Variants in TMC1 observed in about 807,000 individuals in gnomAD.
TMC1 encodes the protein transmembrane channel like 1.
Under a neutral mutation model 105.8 loss-of-function variants are expected in TMC1, and 84 were observed. The ratio of observed to expected loss-of-function variants is 0.79; its 90% CI spans 0.67 to 0.95. The LOEUF (loss-of-function observed/expected upper bound fraction) is 0.95. TMC1 is among the 40% of genes least tolerant of loss of function. The pLI is 0.00. For missense variants in TMC1, 817 were observed against 914.1 expected (o/e 0.89, Z 1.37); for synonymous variants, 315 against 311.5 (o/e 1.01, Z -0.12).
chr9:72,720,161 C>G (rs1212181645), intron 8 of TMC1, among the ~76,000 whole-genome samples: 1 of 152,152 alleles, frequency 6.6e-6, no homozygotes, highest in Non-Finnish European at 1.5e-5. Context: ...AACTGAAACT[C>G]TGAGAGGATA....
chr9:72,819,340 T>C (rs998663756), intron 19 of TMC1, among the ~76,000 whole-genome samples: 1 of 152,212 alleles, frequency 6.6e-6, no homozygotes, highest in Non-Finnish European at 1.5e-5. Context: ...TCAAAGTGTA[T>C]TACATCAACA....
At chr9:72,801,572 T>C (rs556443134) in intron 17 of TMC1, among the ~76,000 whole-genome samples, 27 of 152,348 alleles carry the variant, frequency 1.8e-4, no homozygotes, top group African/African-American at 6.5e-4. Flanking sequence ...TTGGTGGCCT[T>C]TTATGATGTT....
intron 5 of TMC1, among the ~76,000 whole-genome samples, chr9:72,676,336 TTC>T (rs1422484444): frequency 6.6e-6 from 1 of 152,184 alleles, no homozygotes; most frequent in Admixed American, 6.6e-5. Context: ...TAGTTGTGTT[TTC>T]CTTATCTTCC....
At chr9:72,553,679 C>T (rs1823890336) in intron 1 of TMC1, among the ~76,000 whole-genome samples, 1 of 152,084 alleles carries the variant, frequency 6.6e-6, no homozygotes, top group Non-Finnish European at 1.5e-5. Context: ...TCTGTATTAA[C>T]AGGTGAGAAG....
chr9:72,688,259 T>A (rs1826408430), intron 5 of TMC1, among the ~76,000 whole-genome samples: 1 of 152,082 alleles, frequency 6.6e-6, no homozygotes, highest in Non-Finnish European at 1.5e-5. Context: ...TTGGTAAAAG[T>A]GTTTGGAATA....
intron 12 of TMC1, among the ~76,000 whole-genome samples, chr9:72,764,733 T>C (rs371477542): frequency 6.6e-6 from 1 of 152,148 alleles, no homozygotes. Flanking sequence ...TTGCTAATGA[T>C]TACCAGAAGC....
At chr9:72,773,295 T>C (rs1827959983) in intron 13 of TMC1, among the ~76,000 whole-genome samples, 1 of 152,178 alleles carries the variant, frequency 6.6e-6, no homozygotes, top group Non-Finnish European at 1.5e-5. Context: ...CAAGTAAGGT[T>C]GCCATTCTTT....
intron 13 of TMC1, among the ~76,000 whole-genome samples, chr9:72,781,482 G>T (rs1828092268): frequency 6.6e-6 from 1 of 152,046 alleles, no homozygotes; most frequent in Admixed American, 6.5e-5. Flanking sequence ...TGAACTGAAT[G>T]AAATTGAGAC....
intron 13 of TMC1, among the ~76,000 whole-genome samples, chr9:72,786,537 GGCAAA>G (rs1338680430): frequency 2.6e-5 from 4 of 152,146 alleles, no homozygotes; most frequent in African/African-American, 9.7e-5. Context: ...TAACTCCCCT[GGCAAA>G]GCAAATGATG....
chr9:72,580,244 T>C (rs576640670), intron 2 of TMC1, among the ~76,000 whole-genome samples: 1 of 152,362 alleles, frequency 6.6e-6, no homozygotes, highest in African/African-American at 2.4e-5. Context: ...TGGGGAACTA[T>C]ATCTTTTCCT....
intron 5 of TMC1, among the ~76,000 whole-genome samples, chr9:72,655,667 G>C (rs1311466900): frequency 2.0e-5 from 3 of 151,914 alleles, no homozygotes; most frequent in Non-Finnish European, 4.4e-5. Context: ...GCTTGAACCC[G>C]GGAGGGGGAG....
chr9:72,794,310 G>T (rs1472350184), intron 17 of TMC1, among the ~76,000 whole-genome samples: 1 of 152,140 alleles, frequency 6.6e-6, no homozygotes, highest in South Asian at 2.1e-4. Flanking sequence ...AGCTGAAGGG[G>T]CAGCCCAGGA....
intron 14 of TMC1, 102 bp from the exon 15 acceptor site, chr9:72,789,021 T>C: frequency 8.6e-7 from 1 of 1,157,166 alleles, no homozygotes; most frequent in East Asian, 2.5e-5. Flanking sequence ...CCTCACATTC[T>C]GATGATTGTA....
chr9:72,567,571 A>T (rs1334018415), intron 1 of TMC1, among the ~76,000 whole-genome samples: 2 of 152,188 alleles, frequency 1.3e-5, no homozygotes, highest in African/African-American at 2.4e-5. Context: ...AATAAGTGCA[A>T]GTAGGAGAAA....
intron 2 of TMC1, among the ~76,000 whole-genome samples, chr9:72,606,972 T>TATGTAC (rs1554715127): frequency 7.4e-6 from 1 of 135,492 alleles, no homozygotes; most frequent in African/African-American, 2.9e-5. Context: ...TGTATGTATG[T>TATGTAC]GTGTGTGTGC....
intron 8 of TMC1, among the ~76,000 whole-genome samples, chr9:72,722,385 G>C (rs940184131): frequency 2.0e-5 from 3 of 151,998 alleles, no homozygotes; most frequent in Non-Finnish European, 4.4e-5. Context: ...TCTGGTATCC[G>C]CTCCATTTTT....
chr9:72,823,922 A>G (rs1828911204), intron 20 of TMC1, among the ~76,000 whole-genome samples: 1 of 152,264 alleles, frequency 6.6e-6, no homozygotes, highest in African/African-American at 2.4e-5. Flanking sequence ...AAAACCTGAA[A>G]TAACAACTTT....
chr9:72,646,591 A>G (rs1310839849), intron 4 of TMC1, among the ~76,000 whole-genome samples: 2 of 150,824 alleles, frequency 1.3e-5, no homozygotes, highest in Non-Finnish European at 3.0e-5. Context: ...GTTTTTGCTC[A>G]TCTTATTGGG....
intron 8 of TMC1, among the ~76,000 whole-genome samples, chr9:72,720,307 A>G (rs1827000233): frequency 6.6e-6 from 1 of 152,234 alleles, no homozygotes. Flanking sequence ...TGAAGTTCAC[A>G]TACCAAATTA....
Sources: allele counts gnomAD v4.1 joint callset (sites outside exome capture counted in the v4.1 genomes callset), GRCh38; gene constraint gnomAD v4.1.1; transcripts MANE v1.5; gene names NCBI Gene and HGNC (gene_info 2026-07-23, HGNC 2026-07-21).